Variants in CHRNA4 observed in about 807,000 individuals in gnomAD.
CHRNA4 encodes the protein cholinergic receptor nicotinic alpha 4 subunit.
In CHRNA4, 28 loss-of-function variants were observed where a neutral mutation model predicts 48.9. That is an observed-to-expected ratio of 0.57 (90% CI 0.42 to 0.79). The LOEUF (loss-of-function observed/expected upper bound fraction) is 0.79. CHRNA4 is among the 30% of genes least tolerant of loss of function. CHRNA4 has a pLI of 0.00. For missense variants in CHRNA4, 859 were observed against 898.4 expected (o/e 0.96, Z 0.56); for synonymous variants, 425 against 402.3 (o/e 1.06, Z -0.68).
chr20:63,346,215 AC>A lies in CHRNA4; in HGVS notation c.*522del. The A allele has an allele frequency of 2.2e-6, 1 of 454,272 alleles. No homozygotes were observed. Among genetic ancestry groups the A allele is most frequent in the Non-Finnish European group, 4.4e-6 (1 of 226,970 alleles). 28.1% of individuals were successfully genotyped at this position (454,272 alleles called of 1,614,324 possible). A position where few individuals can be genotyped will look rare whatever the true frequency, so the allele number is the denominator to read the frequency against. On this transcript the variant is annotated 3_prime_UTR_variant, in exon 6 of 6. Coordinates refer to ENST00000370263, the MANE Select transcript of CHRNA4 (RefSeq NM_000744.7). ...AAGCAGATTGGAGCGCTGCTGGCTC[AC>A]CCTCATGGGGCCCGAGAGGCTCAAG...
chr20:63,349,988 C>T lies in CHRNA4; in HGVS notation c.1423G>A (p.Gly475Ser). Residue 475 changes from glycine (G) to serine (S), a missense_variant, in exon 5 of 6, where the codon GGC becomes AGC. Gly to Ser is a moderately conservative substitution (Grantham distance 56). This residue lies in a region of CHRNA4 where 478 missense variants were observed against 455.4 expected (regional missense o/e 1.05). Coordinates refer to ENST00000370263, the MANE Select transcript of CHRNA4 (RefSeq NM_000744.7). ...CGGACGCCGCCTTCCACCGCTTCGCCAGGGCTGGACATGTGCTGGACGCTG... is the reference window on the plus strand; with the variant it reads ...CGGACGCCGCCTTCCACCGCTTCGCTAGGGCTGGACATGTGCTGGACGCTG... The part of the protein sequence containing the change: ...SLSVQHMSSP[G>S]EAVEGGVRCR... 3 of 1,549,274 alleles carry T rather than the reference C, an allele frequency of 1.9e-6. No individual in the cohort carries two copies. Among genetic ancestry groups the T allele is most frequent in the Non-Finnish European group, 2.6e-6 (3 of 1,146,254 alleles).
Position 63,345,492 on chromosome 20 carries a change from C to T in CHRNA4, c.*1246G>A. 2.5e-6 allele frequency: 1 copy of T among 392,288 alleles called. No homozygotes were observed. 24.3% of individuals were successfully genotyped at this position (392,288 alleles called of 1,614,324 possible). A position where few individuals can be genotyped will look rare whatever the true frequency, so the allele number is the denominator to read the frequency against. On this transcript the variant is annotated 3_prime_UTR_variant, in exon 6 of 6. Coordinates refer to ENST00000370263, the MANE Select transcript of CHRNA4 (RefSeq NM_000744.7). This position sits in a 1 kb window ranked among gnomAD's most constrained non-coding sequence, Gnocchi z 5.4. ...GGGTGCGCCATCTTTAGGGGGTGCACTGCCGGGCTCCAGGGTCATGCCTGG... is the reference window on the plus strand; with the variant it reads ...GGGTGCGCCATCTTTAGGGGGTGCATTGCCGGGCTCCAGGGTCATGCCTGG...
In CHRNA4 at chr20:63,361,297, T is replaced by C; in HGVS notation, c.-132A>G. 1 of 1,269,062 alleles carries C rather than the reference T, an allele frequency of 7.9e-7. No individual in the cohort carries two copies. Among genetic ancestry groups the C allele is most frequent in the South Asian group, 2.1e-5 (1 of 48,100 alleles). 78.6% of individuals were successfully genotyped at this position (1,269,062 alleles called of 1,614,324 possible). A position where few individuals can be genotyped will look rare whatever the true frequency, so the allele number is the denominator to read the frequency against. ...CGGCCGCCGGGCCCGGTTCGTCTTCTCCTGTGGGGCGCGGTGCGGCGGCGG... is the reference window on the plus strand; with the variant it reads ...CGGCCGCCGGGCCCGGTTCGTCTTCCCCTGTGGGGCGCGGTGCGGCGGCGG... On this transcript the variant is annotated 5_prime_UTR_variant, in exon 1 of 6. Coordinates refer to ENST00000370263, the MANE Select transcript of CHRNA4 (RefSeq NM_000744.7).
At chr20:63,358,430 G>A (rs528593412) in intron 2 of CHRNA4, among the ~76,000 whole-genome samples, 49 of 152,298 alleles carry the variant, frequency 3.2e-4, no homozygotes, top group South Asian at 1.9e-3. Flanking sequence ...AAATTCTCCC[G>A]CAACCCGGTG....
At chr20:63,348,500 G>A (rs1309933054) in intron 5 of CHRNA4, among the ~76,000 whole-genome samples, 3 of 152,218 alleles carry the variant, frequency 2.0e-5, no homozygotes, top group South Asian at 2.1e-4. Context: ...TTTGGGGCTC[G>A]CTCAGCTAGT....
At position 63,344,345 on chromosome 20, in the gene CHRNA4, T is replaced by C. The variant is rs2068451183; in HGVS notation, c.*2393A>G. The C allele has an allele frequency of 2.2e-6, 1 of 453,728 alleles. No individual in the cohort carries two copies. The allele number at this position is 453,728 out of a possible 1,614,324, so 28.1% of individuals were successfully genotyped here. On this transcript the variant is annotated 3_prime_UTR_variant, in exon 6 of 6. Coordinates refer to ENST00000370263, the MANE Select transcript of CHRNA4 (RefSeq NM_000744.7). The surrounding 1 kb of genome is among the most constrained non-coding windows in gnomAD (Gnocchi z 4.5). ...CTGGAGGGACCTTCTAGGGGCTGGG[T>C]CTCCACTGAAGAGCATGCATCTCAC...
At chr20:63,360,632 A>C (rs1352179116) in intron 1 of CHRNA4, among the ~76,000 whole-genome samples, 1 of 152,160 alleles carries the variant, frequency 6.6e-6, no homozygotes, top group Non-Finnish European at 1.5e-5. Flanking sequence ...CCCAGCCCAG[A>C]GTCCCCACCC....
chr20:63,355,366 C>A lies in CHRNA4; in HGVS notation c.383+609G>T, dbSNP rs1014933039. 6.0e-6 allele frequency: 3 copies of A among 503,520 alleles called. No individual in the cohort carries two copies. The African/African-American group carries it at 6.0e-5, about 10-fold the overall frequency. The allele number at this position is 503,520 out of a possible 1,614,324, so 31.2% of individuals were successfully genotyped here. On this transcript the variant is annotated intron_variant, in intron 4 of 5. Transcript: ENST00000370263. ...TCATCTTGGCCTCCTAGGAGCCTGA[C>A]ATGGGCTTGGCCCAGCCCGAGGCTT...
At position 63,349,690 on chromosome 20, in the gene CHRNA4, A is replaced by G. The variant is rs139657121; in HGVS notation, c.1721T>C (p.Ile574Thr). 33 of 1,612,638 alleles carry G rather than the reference A, an allele frequency of 2.0e-5. No individual in the cohort carries two copies. The highest frequency in any genetic ancestry group is 2.8e-5 in the Non-Finnish European group (33 of 1,179,874). The change falls in exon 5 of 6, where the codon ATT becomes ACT. Residue 574 changes from isoleucine to threonine, a missense_variant. Physicochemically the swap from Ile to Thr is moderately conservative, Grantham distance 89. Transcript: ENST00000370263. ...GTCTTCGGCCTTCAGGTGGTCTGCA[A>G]TGTACTGGACGCCCTCCACCGCCCG... Reference protein sequence around the residue: ...LTRAVEGVQYIADHLKAEDTD... With the variant: ...LTRAVEGVQYTADHLKAEDTD...
chr20:63,346,146 A>G lies in CHRNA4; in HGVS notation c.*592T>C. 2.2e-6 allele frequency: 1 copy of G among 454,110 alleles called. No individual in the cohort carries two copies. The highest frequency in any genetic ancestry group is 4.4e-6 in the Non-Finnish European group (1 of 226,768). 28.1% of individuals were successfully genotyped at this position (454,110 alleles called of 1,614,324 possible). ...GACTTGAGTTCTCACTAACTTACCCAAAACACAACCAAACACAATCCCTGC... is the reference window on the plus strand; with the variant it reads ...GACTTGAGTTCTCACTAACTTACCCGAAACACAACCAAACACAATCCCTGC... On this transcript the variant is annotated 3_prime_UTR_variant, in exon 6 of 6. Transcript: ENST00000370263.
At chr20:63,359,320 G>A (rs769096777) in intron 2 of CHRNA4, 16 of 621,308 alleles carry the variant, frequency 2.6e-5, no homozygotes, top group Non-Finnish European at 4.7e-5. Flanking sequence ...GTGTTCCCAC[G>A]TCAAGGGGGA....
Position 63,346,585 on chromosome 20 carries a change from G to C in CHRNA4, c.*153C>G, listed in dbSNP as rs775519012. ...CCCAGAGGCCGTGTCCCCGTCCAAGGCCGTCTTACAGCAGACACAGAACAG... is the reference window on the plus strand; with the variant it reads ...CCCAGAGGCCGTGTCCCCGTCCAAGCCCGTCTTACAGCAGACACAGAACAG... On this transcript the variant is annotated 3_prime_UTR_variant, in exon 6 of 6. Transcript: ENST00000370263. 36 of 1,108,562 alleles carry C rather than the reference G, an allele frequency of 3.2e-5. No individual in the cohort carries two copies. The highest frequency in any genetic ancestry group is 4.5e-5 in the Non-Finnish European group (34 of 759,974). The allele number at this position is 1,108,562 out of a possible 1,614,324, so 68.7% of individuals were successfully genotyped here.
At chr20:63,353,784 A>G (rs997865038) in intron 4 of CHRNA4, among the ~76,000 whole-genome samples, 10 of 16,678 alleles carry the variant, frequency 6.0e-4, no homozygotes, top group Non-Finnish European at 6.9e-4. Context: ...CTGCGGTCCT[A>G]GGGGGCTATG....
intron 4 of CHRNA4, among the ~76,000 whole-genome samples, chr20:63,353,188 G>A (rs1296045418): frequency 3.9e-5 from 6 of 152,192 alleles, no homozygotes; most frequent in South Asian, 2.1e-4. Flanking sequence ...GAGAAGGGCC[G>A]AGGCCTCCCA....
At chr20:63,359,730 T>C (rs757557881) in intron 1 of CHRNA4, 31 bp from the exon 2 acceptor site, 1 of 1,606,998 alleles carries the variant, frequency 6.2e-7, no homozygotes, top group East Asian at 2.2e-5. Flanking sequence ...GTGGCTCAGG[T>C]GCAGGCGGGA....
chr20:63,344,574 C>A lies in CHRNA4; in HGVS notation c.*2164G>T, dbSNP rs1385737840. 1.1e-5 allele frequency: 5 copies of A among 453,550 alleles called. No homozygotes were observed. The highest frequency in any genetic ancestry group is 7.8e-5 in the South Asian group (5 of 64,436). 28.1% of individuals were successfully genotyped at this position (453,550 alleles called of 1,614,324 possible). ...CAGGAGGGTCCCCCGGCAGGAGCGTCCCAGCCACTCCGCAGTCACTCCTGA... is the reference window on the plus strand; with the variant it reads ...CAGGAGGGTCCCCCGGCAGGAGCGTACCAGCCACTCCGCAGTCACTCCTGA... On this transcript the variant is annotated 3_prime_UTR_variant, in exon 6 of 6. Transcript: ENST00000370263. The surrounding 1 kb of genome is among the most constrained non-coding windows in gnomAD (Gnocchi z 4.5).
chr20:63,344,945 G>T lies in CHRNA4; in HGVS notation c.*1793C>A, dbSNP rs1169694675. 9.8e-6 allele frequency: 4 copies of T among 406,690 alleles called. No homozygotes were observed. Among genetic ancestry groups the T allele is most frequent in the Non-Finnish European group, 2.0e-5 (4 of 199,628 alleles). The allele number at this position is 406,690 out of a possible 1,614,324, so 25.2% of individuals were successfully genotyped here. A position where few individuals can be genotyped will look rare whatever the true frequency, so the allele number is the denominator to read the frequency against. On this transcript the variant is annotated 3_prime_UTR_variant, in exon 6 of 6. Transcript: ENST00000370263. This position sits in a 1 kb window ranked among gnomAD's most constrained non-coding sequence, Gnocchi z 4.5. ...GGGATGCCCAGGATTTGGCACGGGG[G>T]TCTCTGTGTCCCACCCACTCCTGGC...
In CHRNA4 at chr20:63,350,012, T is replaced by C. The variant is rs1156705150; in HGVS notation, c.1399A>G (p.Ser467Gly). The C allele has an allele frequency of 6.5e-7, 1 of 1,530,274 alleles. No homozygotes were observed. The highest frequency in any genetic ancestry group is 2.1e-5 in the Admixed American group (1 of 48,754). 94.8% of individuals were successfully genotyped at this position (1,530,274 alleles called of 1,614,324 possible). A position where few individuals can be genotyped will look rare whatever the true frequency, so the allele number is the denominator to read the frequency against. ...APGLAKARSL[S>G]VQHMSSPGEA... ...CCAGGGCTGGACATGTGCTGGACGC[T>C]GAGGGACCTGGCTTTGGCCAGCCCT... The change falls in exon 5 of 6, where the codon AGC (serine) becomes GGC (glycine). Residue 467 changes from serine (S) to glycine (G), a missense_variant. Around this residue, in one of 3 missense-constraint regions of CHRNA4, gnomAD observed 478 missense variants for 455.4 expected, o/e 1.05. Coordinates refer to ENST00000370263, the MANE Select transcript of CHRNA4 (RefSeq NM_000744.7).
rs1244424506 is a variant in CHRNA4 at position 63,361,160 on chromosome 20, C to G, written c.6G>C (p.Glu2Asp). The part of the protein sequence containing the change: M[E>D]LGGPGAPRLL... ...GCCGCGGCGCTCCGGGGCCCCCTAGCTCCATGGCGCACGCACCTCGCGGGC... is the reference window on the plus strand; with the variant it reads ...GCCGCGGCGCTCCGGGGCCCCCTAGGTCCATGGCGCACGCACCTCGCGGGC... Residue 2 changes from glutamate (E) to aspartate (D), a missense_variant, in exon 1 of 6, where the codon GAG becomes GAC. Coordinates refer to ENST00000370263, the MANE Select transcript of CHRNA4 (RefSeq NM_000744.7). 6.8e-7 allele frequency: 1 copy of G among 1,479,966 alleles called. No individual in the cohort carries two copies. Among genetic ancestry groups the G allele is most frequent in the African/African-American group, 1.5e-5 (1 of 68,254 alleles). The allele number at this position is 1,479,966 out of a possible 1,614,324, so 91.7% of individuals were successfully genotyped here. A position where few individuals can be genotyped will look rare whatever the true frequency, so the allele number is the denominator to read the frequency against.
Sources: gnomAD v4.1 joint callset for allele counts (sites outside exome capture counted in the v4.1 genomes callset) on GRCh38, gnomAD v4.1.1 for gene constraint, gnomAD v4.1.1 regional missense constraint, Gnocchi (gnomAD v3.1) non-coding constraint, MANE v1.5 for transcripts, NCBI Gene and HGNC (gene_info 2026-07-23, HGNC 2026-07-21) for gene names.